The following SLC20A2 variants were observed in gnomAD, a reference collection of about 807,000 sequenced individuals.
SLC20A2 encodes the protein sodium-dependent phosphate transporter 2.
SLC20A2 carries 30 observed loss-of-function variants against 61.0 expected under a neutral mutation model. The observed-to-expected ratio is 0.49, with a 90% CI of 0.37 to 0.67. The LOEUF (loss-of-function observed/expected upper bound fraction) is 0.67, where lower values mean the gene tolerates loss of function less well. Ranked by LOEUF, SLC20A2 falls within the 30% of genes least tolerant of loss-of-function variation. The probability of loss-of-function intolerance (pLI) is 0.00; values close to 1 mark genes in which losing one functional copy is unlikely to be tolerated. For missense variants in SLC20A2, 626 were observed against 866.4 expected, an observed-to-expected ratio of 0.72 and a Z score of 3.48; for synonymous variants, 351 against 353.3, an observed-to-expected ratio of 0.99 and a Z score of 0.07.
chr8:42,485,845 C>G (rs1489745756), intron 1 of SLC20A2, among the ~76,000 whole-genome samples: 1 of 151,286 alleles, frequency 6.6e-6, no homozygotes, highest in Non-Finnish European at 1.5e-5. Flanking sequence ...ACTCGAGAGG[C>G]TGAGGCAGGA....
intron 7 of SLC20A2, among the ~76,000 whole-genome samples, chr8:42,439,059 C>T (rs555267924): frequency 6.6e-6 from 1 of 152,256 alleles, no homozygotes; most frequent in East Asian, 1.9e-4. Flanking sequence ...AATGGTGGGA[C>T]CACCTCCTTG....
chr8:42,443,406 C>A (rs377104166), intron 6 of SLC20A2, among the ~76,000 whole-genome samples: 4 of 150,458 alleles, frequency 2.7e-5, no homozygotes, highest in East Asian at 3.9e-4. Flanking sequence ...CCTCTGCCCC[C>A]CCGGGTTCAA....
rs2131158364 is a variant in SLC20A2 at position 42,459,938 on chromosome 8, T to C, written c.571A>G (p.Ile191Val). Reference sequence around the variant, plus strand: ...ATGATGGAAAAGACATTGATTGCTATGGTAGCAGCATAGAATACTGGGAGT... The same window carrying C: ...ATGATGGAAAAGACATTGATTGCTACGGTAGCAGCATAGAATACTGGGAGT... ...RALPVFYAAT[I>V]AINVFSIMYT... The change falls in exon 5 of 11, where the codon ATA (isoleucine) becomes GTA (valine). Residue 191 changes from isoleucine (I) to valine (V), a missense_variant. Physicochemically the swap from Ile to Val is conservative, Grantham distance 29. Transcript: ENST00000520262. 6.2e-7 allele frequency: 1 copy of C among 1,613,636 alleles called. No homozygotes were observed. Among genetic ancestry groups the C allele is most frequent in the Non-Finnish European group, 8.5e-7 (1 of 1,179,780 alleles).
chr8:42,468,942 G>C (rs894548640), intron 2 of SLC20A2, among the ~76,000 whole-genome samples: 2 of 152,204 alleles, frequency 1.3e-5, no homozygotes, highest in Admixed American at 6.5e-5. Context: ...TTAGGGCTGA[G>C]CTAGTCCCAC....
chr8:42,489,852 T>C (rs955918843), intron 1 of SLC20A2, among the ~76,000 whole-genome samples: 2 of 152,172 alleles, frequency 1.3e-5, no homozygotes, highest in Non-Finnish European at 1.5e-5. Flanking sequence ...AGGCAGGGTC[T>C]GAATAAAGGG....
intron 1 of SLC20A2, among the ~76,000 whole-genome samples, chr8:42,533,577 G>A (rs779058516): frequency 6.6e-6 from 1 of 150,900 alleles, no homozygotes; most frequent in Non-Finnish European, 1.5e-5. Flanking sequence ...TATATTTACC[G>A]AGATTGCGTC....
At chr8:42,532,847 C>T (rs1469868517) in intron 1 of SLC20A2, among the ~76,000 whole-genome samples, 2 of 151,926 alleles carry the variant, frequency 1.3e-5, no homozygotes, top group South Asian at 2.1e-4. Context: ...GTGGCAGGTG[C>T]GCAGGCGGGA....
intron 1 of SLC20A2, among the ~76,000 whole-genome samples, chr8:42,522,914 G>T (rs1342834511): frequency 1.3e-5 from 2 of 148,380 alleles, no homozygotes; most frequent in Non-Finnish European, 3.0e-5. Context: ...CGGGGTGGGG[G>T]GGGTCTCTCT....
chr8:42,484,742 G>A (rs965431221), intron 1 of SLC20A2: 3 of 358,362 alleles, frequency 8.4e-6, no homozygotes, highest in African/African-American at 4.3e-5. Flanking sequence ...TGATCCAAGA[G>A]AGCCTGACTT....
At chr8:42,445,210 C>T (rs569585756) in intron 5 of SLC20A2, among the ~76,000 whole-genome samples, 5 of 151,722 alleles carry the variant, frequency 3.3e-5, no homozygotes, top group East Asian at 1.9e-4. Context: ...GAGATTCGTT[C>T]GAACCTGGGA....
intron 2 of SLC20A2, 134 bp downstream of exon 2, chr8:42,471,968 A>G: frequency 1.4e-6 from 1 of 720,264 alleles, no homozygotes; most frequent in South Asian, 1.9e-5. Context: ...CAAAAATAAG[A>G]GAGTAAATGT....
At chr8:42,496,329 G>C (rs1299942511) in intron 1 of SLC20A2, among the ~76,000 whole-genome samples, 1 of 152,216 alleles carries the variant, frequency 6.6e-6, no homozygotes, top group Non-Finnish European at 1.5e-5. Context: ...TCAGCAGCCT[G>C]TGTTTTCAAC....
chr8:42,507,416 C>T (rs1242592975), intron 1 of SLC20A2, among the ~76,000 whole-genome samples: 1 of 151,224 alleles, frequency 6.6e-6, no homozygotes, highest in Non-Finnish European at 1.5e-5. Context: ...CAAGACAGTT[C>T]TTTAAAAAAC....
At chr8:42,420,225 T>C (rs901348106) in intron 10 of SLC20A2, among the ~76,000 whole-genome samples, 2 of 152,138 alleles carry the variant, frequency 1.3e-5, no homozygotes, top group Non-Finnish European at 2.9e-5. Context: ...ATTTTGTCCA[T>C]TTACATACTA....
At chr8:42,495,771 A>G (rs1010124730) in intron 1 of SLC20A2, among the ~76,000 whole-genome samples, 1 of 149,640 alleles carries the variant, frequency 6.7e-6, no homozygotes, top group Non-Finnish European at 1.5e-5. Flanking sequence ...TTTTTTCCAG[A>G]CAGAGTCTTG....
chr8:42,505,472 T>TA (rs1445879657), upstream of SLC20A2, among the ~76,000 whole-genome samples: 2 of 152,212 alleles, frequency 1.3e-5, no homozygotes, highest in African/African-American at 2.4e-5. Context: ...GATCAAATTT[T>TA]AAATCTATGT....
chr8:42,470,491 C>G (rs1005876883), intron 2 of SLC20A2, among the ~76,000 whole-genome samples: 14 of 152,014 alleles, frequency 9.2e-5, no homozygotes, highest in African/African-American at 3.1e-4. Flanking sequence ...CAAAGTTGAA[C>G]CTGACATCTT....
At chr8:42,515,545 T>A (rs985688930) in intron 1 of SLC20A2, among the ~76,000 whole-genome samples, 5 of 152,156 alleles carry the variant, frequency 3.3e-5, no homozygotes, top group African/African-American at 1.2e-4. Flanking sequence ...TATCACTATC[T>A]TTCTTCTGCA....
Position 42,463,087 on chromosome 8 carries a change from G to A in SLC20A2, c.434C>T (p.Ala145Val). Residue 145 changes from alanine to valine, a missense_variant, in exon 4 of 11, where the codon GCT becomes GTT. Ala to Val is a moderately conservative substitution (Grantham distance 64). Around this residue, in one of 3 missense-constraint regions of SLC20A2, gnomAD observed 127 missense variants for 215.4 expected, o/e 0.59. Transcript: ENST00000520262. ...CAACAGTGGAGATATAAACCAAGAA[G>A]CAACTGAATAATTAAAAAAAAAATC... ...VQWMELVKIV[A>V]SWFISPLLSG... 6.4e-7 allele frequency: 1 copy of A among 1,564,010 alleles called. No individual in the cohort carries two copies. Among genetic ancestry groups the A allele is most frequent in the Non-Finnish European group, 8.7e-7 (1 of 1,149,592 alleles).
Sources: allele counts gnomAD v4.1 joint callset (sites outside exome capture counted in the v4.1 genomes callset), GRCh38; gene constraint gnomAD v4.1.1; regional missense constraint gnomAD v4.1.1; transcripts MANE v1.5; gene names NCBI Gene and HGNC (gene_info 2026-07-23, HGNC 2026-07-21).